BCL9: variants seen among roughly 807,000 people sequenced by gnomAD.
BCL9 encodes the protein B-cell CLL/lymphoma 9 protein.
A neutral mutation model predicts 88.5 loss-of-function variants in BCL9; 25 were observed. The ratio of observed to expected loss-of-function variants is 0.28; its 90% CI spans 0.21 to 0.39. The LOEUF (loss-of-function observed/expected upper bound fraction) is 0.39. Among genes scored for constraint, BCL9 ranks in the 10% least tolerant of loss-of-function variants. The pLI, the probability that BCL9 is intolerant of heterozygous loss-of-function variation, is 1.00. For missense variants in BCL9, 1,817 were observed against 1,877.8 expected, an observed-to-expected ratio of 0.97 and a Z score of 0.60; for synonymous variants, 711 against 673.3, an observed-to-expected ratio of 1.06 and a Z score of -0.87.
chr1:147,584,289 C>T (rs911213105), intron 1 of BCL9, among the ~76,000 whole-genome samples: 1 of 152,086 alleles, frequency 6.6e-6, no homozygotes, highest in African/African-American at 2.4e-5. Flanking sequence ...TTAGGTGATC[C>T]GCCCTCCTGG....
chr1:147,620,513 C>G lies in BCL9; in HGVS notation c.2358C>G (p.Pro786=). The change falls in exon 8 of 10, where the codon CCC becomes CCG. Residue 786 remains proline, a synonymous_variant. Transcript: ENST00000234739. Reference sequence around the variant, plus strand: ...GCATGGGCCCCAGACCATTCCTTCCCATGTCTCAGGGTCCAGGCAGCAACA... The same window carrying G: ...GCATGGGCCCCAGACCATTCCTTCCGATGTCTCAGGGTCCAGGCAGCAACA... The part of the protein sequence containing the change: ...EYGMGPRPFL[P]MSQGPGSNSG... The G allele has an allele frequency of 6.2e-7, 1 of 1,614,208 alleles. No individual in the cohort carries two copies. Among genetic ancestry groups the G allele is most frequent in the Non-Finnish European group, 8.5e-7 (1 of 1,180,028 alleles).
intron 1 of BCL9, among the ~76,000 whole-genome samples, chr1:147,570,553 C>A (rs767739030): frequency 6.6e-6 from 1 of 151,958 alleles, no homozygotes; most frequent in Non-Finnish European, 1.5e-5. Flanking sequence ...CACTCTCTGC[C>A]TTTTGCTTCT....
chr1:147,566,742 G>C (rs1266018011), intron 1 of BCL9, among the ~76,000 whole-genome samples: 2 of 141,946 alleles, frequency 1.4e-5, no homozygotes, highest in Non-Finnish European at 3.1e-5. Context: ...GGGTGACAGA[G>C]CGAGACGCTG....
At position 147,560,695 on chromosome 1, in the gene BCL9, T is replaced by C. The variant is rs138894890; in HGVS notation, c.-478+19021T>C. ...GCTAAGGGGGGTTGTGGGGATGACT[T>C]GAGCCTAGGAGTTTAAGACCAGCCC... is the stretch of plus-strand genomic sequence containing the variant. On this transcript the variant is annotated intron_variant, in intron 1 of 9. Transcript: ENST00000234739. Among the ~76,000 whole-genome samples the C allele has an allele frequency of 9.2e-5, 14 of 152,002 alleles. No homozygotes were observed. The East Asian group carries it at 2.5e-3, about 27-fold the overall frequency.
intron 1 of BCL9, among the ~76,000 whole-genome samples, chr1:147,565,145 C>T (rs1292981116): frequency 1.3e-5 from 2 of 152,134 alleles, no homozygotes; most frequent in Non-Finnish European, 2.9e-5. Context: ...GCTAGTTATT[C>T]TTTAGTTAAT....
chr1:147,568,368 G>A (rs1655708935), intron 1 of BCL9, among the ~76,000 whole-genome samples: 1 of 151,832 alleles, frequency 6.6e-6, no homozygotes, highest in Non-Finnish European at 1.5e-5. Context: ...ACAAAGTTTT[G>A]AGTTAGAAGG....
Position 147,619,484 on chromosome 1 carries a change from T to A in BCL9, c.1329T>A (p.Asp443Glu), listed in dbSNP as rs1553204606. ...ATAGAGATGTACCCTTTTCTCCAGA[T>A]GAAATGGTTCCACCTTCTATGAACT... ...QGHRDVPFSPDEMVPPSMNSQ... is the reference protein window; with the variant it reads ...QGHRDVPFSPEEMVPPSMNSQ... The change falls in exon 8 of 10, where the codon GAT (aspartate) becomes GAA (glutamate). Residue 443 changes from aspartate (D) to glutamate (E), a missense_variant. By Grantham distance (45) the Asp-to-Glu change is conservative (BLOSUM62 2). Around this residue, in one of 2 missense-constraint regions of BCL9, gnomAD observed 1,228 missense variants for 1,191.6 expected, o/e 1.03. Coordinates refer to ENST00000234739, the MANE Select transcript of BCL9 (RefSeq NM_004326.4). This position sits in a 1 kb window ranked among gnomAD's most constrained non-coding sequence, Gnocchi z 4.1. 1 of 1,614,050 alleles carries A rather than the reference T, an allele frequency of 6.2e-7. No homozygotes were observed. Among genetic ancestry groups the A allele is most frequent in the Non-Finnish European group, 8.5e-7 (1 of 1,180,024 alleles).
At chr1:147,622,646 A>C in intron 9 of BCL9, 115 bp downstream of exon 9, 1 of 1,335,162 alleles carries the variant, frequency 7.5e-7, no homozygotes, top group Non-Finnish European at 1.0e-6. Context: ...AAGTAGAAAA[A>C]ATCTTCCATC....
At chr1:147,599,485 TG>T (rs1657224362) in intron 1 of BCL9, among the ~76,000 whole-genome samples, 1 of 130,704 alleles carries the variant, frequency 7.7e-6, no homozygotes, top group Non-Finnish European at 1.5e-5. Context: ...GCGCCTTTCC[TG>T]GCCCCCCGCC....
chr1:147,587,862 G>C (rs781870895), intron 1 of BCL9, among the ~76,000 whole-genome samples: 22 of 151,670 alleles, frequency 1.5e-4, no homozygotes, highest in Admixed American at 7.2e-4. Context: ...CTGTGTCATG[G>C]GCCCCCATGA....
intron 3 of BCL9, among the ~76,000 whole-genome samples, chr1:147,607,859 A>G (rs1410057414): frequency 6.6e-6 from 1 of 152,238 alleles, no homozygotes; most frequent in African/African-American, 2.4e-5. Flanking sequence ...GGAGATGTCA[A>G]GCAGGTAGAT....
At chr1:147,600,040 G>C (rs1192711670) in intron 1 of BCL9, among the ~76,000 whole-genome samples, 6 of 149,586 alleles carry the variant, frequency 4.0e-5, no homozygotes, top group African/African-American at 7.4e-5. Context: ...CTCCGCTCGC[G>C]TCCGAGGCGG....
At chr1:147,542,717 A>G (rs1229424068) in intron 1 of BCL9, among the ~76,000 whole-genome samples, 2 of 141,830 alleles carry the variant, frequency 1.4e-5, no homozygotes, top group African/African-American at 2.5e-5. Flanking sequence ...CGATTTGTAC[A>G]GAGAATGGGG....
At chr1:147,591,812 T>C (rs1447921154) in intron 1 of BCL9, among the ~76,000 whole-genome samples, 4 of 152,162 alleles carry the variant, frequency 2.6e-5, no homozygotes, top group African/African-American at 9.7e-5. Flanking sequence ...CAGATTCTAA[T>C]CATTGCTTCC....
At chr1:147,556,641 G>A (rs1406035623) in intron 1 of BCL9, among the ~76,000 whole-genome samples, 2 of 151,788 alleles carry the variant, frequency 1.3e-5, no homozygotes, top group African/African-American at 4.8e-5. Flanking sequence ...TAGAGACAGG[G>A]TCTCATTATG....
intron 6 of BCL9, among the ~76,000 whole-genome samples, chr1:147,615,509 T>C (rs1438020785): frequency 6.6e-6 from 1 of 152,256 alleles, no homozygotes; most frequent in Non-Finnish European, 1.5e-5. Flanking sequence ...ACTCGGATTC[T>C]CTATAAAACA....
intron 2 of BCL9, among the ~76,000 whole-genome samples, chr1:147,605,264 T>C (rs1657630127): frequency 6.6e-6 from 1 of 152,216 alleles, no homozygotes; most frequent in Non-Finnish European, 1.5e-5. Flanking sequence ...ACAGCATTGA[T>C]TGAGTTTCTT....
chr1:147,561,168 A>G (rs1655359249), intron 1 of BCL9, among the ~76,000 whole-genome samples: 1 of 152,258 alleles, frequency 6.6e-6, no homozygotes, highest in South Asian at 2.1e-4. Flanking sequence ...TACAGCAAAG[A>G]ATTAGGAAAT....
intron 3 of BCL9, among the ~76,000 whole-genome samples, chr1:147,611,151 T>C (rs1056893871): frequency 6.6e-6 from 1 of 152,178 alleles, no homozygotes; most frequent in African/African-American, 2.4e-5. Flanking sequence ...AGTGCTGTTG[T>C]TTGCCATCAG....
Sources: allele counts gnomAD v4.1 joint callset (sites outside exome capture counted in the v4.1 genomes callset), GRCh38; gene constraint gnomAD v4.1.1; regional missense constraint gnomAD v4.1.1; non-coding constraint Gnocchi (gnomAD v3.1); transcripts MANE v1.5; gene names NCBI Gene and HGNC (gene_info 2026-07-23, HGNC 2026-07-21).